SPIDR: variants seen among roughly 807,000 people sequenced by gnomAD.
The protein encoded by SPIDR is scaffold protein involved in DNA repair.
SPIDR carries 93 observed loss-of-function variants against 104.6 expected under a neutral mutation model. That is an observed-to-expected ratio of 0.89 (90% confidence interval 0.75 to 1.06). SPIDR has a LOEUF of 1.06. SPIDR is among the 50% of genes least tolerant of loss of function. The pLI, the probability that SPIDR is intolerant of heterozygous loss-of-function variation, is 0.00. For synonymous variants in SPIDR, 431 were observed against 416.9 expected (o/e 1.03, Z -0.41); for missense variants, 1,154 against 1,111.2 (o/e 1.04, Z -0.55).
chr8:47,564,140 AC>A (rs2057463526), intron 8 of SPIDR, among the ~76,000 whole-genome samples: 1 of 128,514 alleles, frequency 7.8e-6, no homozygotes, highest in South Asian at 2.4e-4. Flanking sequence ...GTGCAGTGGC[AC>A]GATCTCAGTT....
At chr8:47,526,943 G>T (rs779507320) in intron 8 of SPIDR, among the ~76,000 whole-genome samples, 2 of 152,184 alleles carry the variant, frequency 1.3e-5, no homozygotes, top group Non-Finnish European at 2.9e-5. Flanking sequence ...TGAAGGGGAC[G>T]TATCCAGCAG....
At position 47,735,815 on chromosome 8, in the gene SPIDR, T is replaced by G. The variant is rs1477609740; in HGVS notation, c.*365T>G. The G allele has an allele frequency of 4.7e-6, 2 of 422,430 alleles. No individual in the cohort carries two copies. The highest frequency in any genetic ancestry group is 8.6e-6 in the Non-Finnish European group (2 of 232,998). 26.2% of individuals were successfully genotyped at this position (422,430 alleles called of 1,614,324 possible). A position where few individuals can be genotyped will look rare whatever the true frequency, so the allele number is the denominator to read the frequency against. ...TTACCATGATTGAACATGTTTTTAT[T>G]ACAGTATTTAACATTCCCCCAAAGA... On this transcript the variant is annotated 3_prime_UTR_variant, in exon 20 of 20. Transcript: ENST00000297423.
chr8:47,595,706 T>C, intron 8 of SPIDR, 105 bp from the exon 9 acceptor site: 1 of 1,072,930 alleles, frequency 9.3e-7, no homozygotes, highest in Non-Finnish European at 1.4e-6. Context: ...TGGCTTTAGC[T>C]GTCCATAGCA....
chr8:47,463,265 G>A (rs1319860965), intron 8 of SPIDR, among the ~76,000 whole-genome samples: 3 of 151,846 alleles, frequency 2.0e-5, no homozygotes, highest in Non-Finnish European at 4.4e-5. Context: ...GGAGGCTGAG[G>A]CAGGAGAATG....
intron 8 of SPIDR, among the ~76,000 whole-genome samples, chr8:47,523,737 T>C (rs890924640): frequency 4.4e-4 from 67 of 152,176 alleles, no homozygotes; most frequent in African/African-American, 1.6e-3. Flanking sequence ...TGTTTTTTAG[T>C]GGTAATAACA....
chr8:47,390,691 C>T (rs573955834), intron 5 of SPIDR, among the ~76,000 whole-genome samples: 4 of 150,784 alleles, frequency 2.7e-5, no homozygotes, highest in African/African-American at 7.3e-5. Flanking sequence ...CTTTCTGTGC[C>T]GTTAAATATT....
intron 8 of SPIDR, among the ~76,000 whole-genome samples, chr8:47,582,827 TACACACACACACACACAC>T (rs72295566): frequency 2.5e-4 from 33 of 130,268 alleles, no homozygotes; most frequent in South Asian, 1.6e-3. Flanking sequence ...AACAACAAAT[TACACACACACACACACAC>T]ACACACACAC....
intron 8 of SPIDR, among the ~76,000 whole-genome samples, chr8:47,552,255 T>G (rs1052149168): frequency 1.3e-5 from 2 of 152,150 alleles, no homozygotes; most frequent in East Asian, 1.9e-4. Context: ...CTGTTGATTT[T>G]GGGTGGAGAG....
chr8:47,321,289 A>G (rs2046518893), intron 5 of SPIDR, among the ~76,000 whole-genome samples: 1 of 151,948 alleles, frequency 6.6e-6, no homozygotes, highest in Non-Finnish European at 1.5e-5. Context: ...AAGCATTCTT[A>G]TACACCAATA....
intron 8 of SPIDR, among the ~76,000 whole-genome samples, chr8:47,536,089 A>AT (rs1554776492): frequency 3.3e-5 from 5 of 149,582 alleles, no homozygotes; most frequent in Admixed American, 6.7e-5. Flanking sequence ...ATAATCTAAA[A>AT]ATATATATAT....
chr8:47,723,731 A>G (rs1035275347), intron 16 of SPIDR, among the ~76,000 whole-genome samples: 1 of 152,122 alleles, frequency 6.6e-6, no homozygotes, highest in African/African-American at 2.4e-5. Context: ...GCCCAGCCCA[A>G]TTATACTTAT....
At chr8:47,466,944 G>GATATAT (rs1490180715) in intron 8 of SPIDR, among the ~76,000 whole-genome samples, 1 of 134,070 alleles carries the variant, frequency 7.5e-6, no homozygotes, top group Non-Finnish European at 1.6e-5. Flanking sequence ...TAGATAGATA[G>GATATAT]ATAGATATAA....
intron 1 of SPIDR, among the ~76,000 whole-genome samples, chr8:47,275,743 C>T (rs956462110): frequency 2.6e-5 from 4 of 152,136 alleles, no homozygotes; most frequent in East Asian, 1.9e-4. Flanking sequence ...GTACCCCATA[C>T]GTAATTTTGT....
chr8:47,563,917 C>A (rs1437672949), intron 8 of SPIDR, among the ~76,000 whole-genome samples: 1 of 152,052 alleles, frequency 6.6e-6, no homozygotes, highest in African/African-American at 2.4e-5. Context: ...CTTTCAGCTA[C>A]TTGATTACTT....
chr8:47,270,348 G>C (rs371790642), intron 1 of SPIDR, among the ~76,000 whole-genome samples: 1 of 151,740 alleles, frequency 6.6e-6, no homozygotes, highest in Admixed American at 6.6e-5. Flanking sequence ...TTTCTGAGTC[G>C]GTTTTGCTAG....
chr8:47,427,430 A>G (rs1371415060), intron 7 of SPIDR, among the ~76,000 whole-genome samples: 1 of 152,146 alleles, frequency 6.6e-6, no homozygotes, highest in Non-Finnish European at 1.5e-5. Flanking sequence ...TTACTTATGA[A>G]GTACTAAAAA....
At position 47,630,937 on chromosome 8, in the gene SPIDR, C is replaced by A. The variant is rs192686943; in HGVS notation, c.1544+31741C>A. Among the ~76,000 whole-genome samples, 148 of 152,210 alleles carry A rather than the reference C, an allele frequency of 9.7e-4. 1 individual carries two copies. The Middle Eastern group carries it at 0.01, about 10-fold the overall frequency. ...CAGAAGGCACAGTACCCCTGTAACA[C>A]GGAATCCCAGGCCTTCTTAAAGGGC... On this transcript the variant is annotated intron_variant, in intron 10 of 19. Transcript: ENST00000297423.
At chr8:47,311,151 A>G (rs782300044) in intron 5 of SPIDR, among the ~76,000 whole-genome samples, 12 of 152,200 alleles carry the variant, frequency 7.9e-5, no homozygotes, top group Non-Finnish European at 1.6e-4. Context: ...TGAAAATTCT[A>G]TAGGTAAAAA....
chr8:47,640,128 G>C (rs60651792), intron 10 of SPIDR, among the ~76,000 whole-genome samples: 5,056 of 152,244 alleles, frequency 0.033, 233 homozygotes, highest in African/African-American at 0.11. Context: ...CACTTAGTGT[G>C]GGCTGCAAGC....
Sources: gnomAD v4.1 joint callset for allele counts (sites outside exome capture counted in the v4.1 genomes callset) on GRCh38, gnomAD v4.1.1 for gene constraint, MANE v1.5 for transcripts, NCBI Gene and HGNC (gene_info 2026-07-23, HGNC 2026-07-21) for gene names.